The following TMPRSS11F variants were observed in gnomAD, a reference collection of about 807,000 sequenced individuals.
TMPRSS11F encodes transmembrane serine protease 11F, also known as transmembrane protease serine 11F.
TMPRSS11F carries 47 observed loss-of-function variants against 60.2 expected under a neutral mutation model. That is an observed-to-expected ratio of 0.78 (90% confidence interval 0.62 to 1.00). The LOEUF is 1.00. Ranked by LOEUF, TMPRSS11F falls within the 50% of genes least tolerant of loss-of-function variation. TMPRSS11F has a pLI of 0.00. For missense variants in TMPRSS11F, 519 were observed against 522.9 expected (o/e 0.99, Z 0.07); for synonymous variants, 166 against 167.3 (o/e 0.99, Z 0.06).
rs368006125 is a variant in TMPRSS11F at position 68,054,145 on chromosome 4, G to A, written c.1159-78C>T. 3.7e-5 allele frequency: 49 copies of A among 1,338,034 alleles called. No homozygotes were observed. In the East Asian group the frequency reaches 5.4e-4, roughly 15 times the overall value. The allele number at this position is 1,338,034 out of a possible 1,614,324, so 82.9% of individuals were successfully genotyped here. A position where few individuals can be genotyped will look rare whatever the true frequency, so the allele number is the denominator to read the frequency against. On this transcript the variant is annotated intron_variant, in intron 9 of 9. Coordinates refer to ENST00000356291, the MANE Select transcript of TMPRSS11F (RefSeq NM_207407.2). ...GGTATTGTAATCTGACGTTCACAGA[G>A]AAAAAAGGAAATTGGTACACAGACC... is the stretch of plus-strand genomic sequence containing the variant.
At chr4:68,068,509 C>A in intron 7 of TMPRSS11F, 109 bp downstream of exon 7, 1 of 891,388 alleles carries the variant, frequency 1.1e-6, no homozygotes, top group Admixed American at 2.0e-5. Flanking sequence ...TAGGTCTACC[C>A]TGAATGGAGC....
At position 68,090,576 on chromosome 4, in the gene TMPRSS11F, C is replaced by T; in HGVS notation, c.229G>A (p.Gly77Ser). ...VTNIKYKENY[G>S]IRSSREFIER... ...ATAAACTCTCTTGAAGATCTTATGC[C>T]ATAATTTTCTTTATATTTGATATTT... is the stretch of plus-strand genomic sequence containing the variant. The change falls in exon 3 of 10, where the codon GGC becomes AGC. Residue 77 changes from glycine to serine, a missense_variant. Gly to Ser is a moderately conservative substitution (Grantham distance 56). Coordinates refer to ENST00000356291, the MANE Select transcript of TMPRSS11F (RefSeq NM_207407.2). The T allele has an allele frequency of 6.2e-7, 1 of 1,601,430 alleles. No homozygotes were observed. Among genetic ancestry groups the T allele is most frequent in the Non-Finnish European group, 8.5e-7 (1 of 1,172,560 alleles).
rs534286717 is a variant in TMPRSS11F, at chr4:68,063,428, G to A, written c.1015+1257C>T. 3.3e-5 allele frequency among the ~76,000 whole-genome samples: 5 copies of A among 152,102 alleles called. No individual in the cohort carries two copies. The South Asian group carries it at 1.0e-3, about 32-fold the overall frequency. On this transcript the variant is annotated intron_variant, in intron 8 of 9. Transcript: ENST00000356291. Reference sequence around the variant, plus strand: ...AGTCTTGCTCTGTCACCAGGCTGCAGTGCAATGGCGCAGTCTCGGCTCACT... The same window carrying A: ...AGTCTTGCTCTGTCACCAGGCTGCAATGCAATGGCGCAGTCTCGGCTCACT...
At chr4:68,091,400 C>T (rs1219782353) in intron 2 of TMPRSS11F, among the ~76,000 whole-genome samples, 1 of 152,018 alleles carries the variant, frequency 6.6e-6, no homozygotes, top group African/African-American at 2.4e-5. Flanking sequence ...ATATTAAGTA[C>T]TTTTTGGTAA....
chr4:68,074,049 A>G, intron 3 of TMPRSS11F, 40 bp from the exon 4 acceptor site: 1 of 1,215,096 alleles, frequency 8.2e-7, no homozygotes, highest in South Asian at 1.6e-5. Flanking sequence ...CAGAACTTAA[A>G]AGTAAAATAA....
At chr4:68,065,267 C>T (rs1225806675) in intron 7 of TMPRSS11F, among the ~76,000 whole-genome samples, 2 of 152,064 alleles carry the variant, frequency 1.3e-5, no homozygotes, top group African/African-American at 4.8e-5. Flanking sequence ...TAGTAAGAGG[C>T]ATTTTCTCTC....
In TMPRSS11F at chr4:68,088,634, T is replaced by C. The variant is rs568397690; in HGVS notation, c.282+1889A>G. Among the ~76,000 whole-genome samples, 4 of 152,252 alleles carry C rather than the reference T, an allele frequency of 2.6e-5. No homozygotes were observed. The East Asian group carries it at 7.7e-4, about 29-fold the overall frequency. On this transcript the variant is annotated intron_variant, in intron 3 of 9. Transcript: ENST00000356291. ...CACACCTATTCCAAAATTGACCACA[T>C]ACTTGGAAGTAAAGCTCTCCTCAGG... is the stretch of plus-strand genomic sequence containing the variant.
At chr4:68,059,490 A>G (rs185491010) in intron 8 of TMPRSS11F, 22 bp from the exon 9 acceptor site, 1 of 1,604,768 alleles carries the variant, frequency 6.2e-7, no homozygotes, top group Non-Finnish European at 8.5e-7. Context: ...ATGGATAAAA[A>G]AACAAATAAA....
intron 9 of TMPRSS11F, among the ~76,000 whole-genome samples, chr4:68,054,877 T>C (rs1229420737): frequency 1.3e-5 from 2 of 151,614 alleles, no homozygotes; most frequent in Non-Finnish European, 2.9e-5. Flanking sequence ...ACAACAACAA[T>C]ATTAAATAAG....
At chr4:68,091,781 CTCTATCTA>C (rs200246480) in intron 2 of TMPRSS11F, among the ~76,000 whole-genome samples, 10,250 of 118,302 alleles carry the variant, frequency 0.087, 505 homozygotes, top group East Asian at 0.28. Flanking sequence ...CTCTCTCTCT[CTCTATCTA>C]TCTATCTATC....
intron 1 of TMPRSS11F, among the ~76,000 whole-genome samples, chr4:68,117,801 T>A (rs1380666883): frequency 1.3e-5 from 2 of 152,100 alleles, no homozygotes; most frequent in East Asian, 3.8e-4. Flanking sequence ...CTACAAATAT[T>A]TCACACCCAG....
chr4:68,070,190 C>G (rs895617563), intron 5 of TMPRSS11F, among the ~76,000 whole-genome samples, 183 bp from the exon 6 acceptor site: 1 of 151,950 alleles, frequency 6.6e-6, no homozygotes, highest in African/African-American at 2.4e-5. Flanking sequence ...TATTTTTGGT[C>G]CAAATTGTGT....
chr4:68,119,974 G>T (rs1724593072), intron 1 of TMPRSS11F, among the ~76,000 whole-genome samples: 1 of 152,086 alleles, frequency 6.6e-6, no homozygotes, highest in African/African-American at 2.4e-5. Context: ...AAAATTAACA[G>T]GAATTTGGAA....
intron 1 of TMPRSS11F, among the ~76,000 whole-genome samples, chr4:68,118,414 T>C (rs1054151233): frequency 6.6e-6 from 1 of 152,198 alleles, no homozygotes; most frequent in African/African-American, 2.4e-5. Context: ...ACAAGGACTT[T>C]TGTATTACAC....
intron 9 of TMPRSS11F, among the ~76,000 whole-genome samples, chr4:68,056,644 C>A (rs967438155): frequency 1.1e-5 from 1 of 95,102 alleles, no homozygotes; most frequent in Non-Finnish European, 2.2e-5. Flanking sequence ...GCAATCCCTA[C>A]CAAAATTCCA....
chr4:68,056,900 G>A (rs1455277496), intron 9 of TMPRSS11F, among the ~76,000 whole-genome samples: 1 of 152,176 alleles, frequency 6.6e-6, no homozygotes, highest in African/African-American at 2.4e-5. Flanking sequence ...ATGGTCAATT[G>A]ATTTGTTGAC....
At chr4:68,102,008 C>T (rs1724202124) in intron 1 of TMPRSS11F, among the ~76,000 whole-genome samples, 1 of 152,070 alleles carries the variant, frequency 6.6e-6, no homozygotes. Context: ...CCTATAACCA[C>T]CATTTTGTTT....
intron 6 of TMPRSS11F, 88 bp downstream of exon 6, chr4:68,069,881 T>G: frequency 9.4e-7 from 1 of 1,067,486 alleles, no homozygotes; most frequent in Non-Finnish European, 1.4e-6. Flanking sequence ...TTAAAAAGCT[T>G]GGTAAACTTT....
chr4:68,095,625 C>T (rs976863704), intron 2 of TMPRSS11F, among the ~76,000 whole-genome samples: 1 of 152,056 alleles, frequency 6.6e-6, no homozygotes, highest in African/African-American at 2.4e-5. Context: ...TGGCCAGAAG[C>T]GGTGGCTCAT....
Sources: allele counts gnomAD v4.1 joint callset (sites outside exome capture counted in the v4.1 genomes callset), GRCh38; gene constraint gnomAD v4.1.1; transcripts MANE v1.5; gene names NCBI Gene and HGNC (gene_info 2026-07-23, HGNC 2026-07-21).